SLC44A5: variants seen among roughly 807,000 people sequenced by gnomAD.
SLC44A5 encodes the protein choline transporter-like protein 5.
SLC44A5 carries 57 observed loss-of-function variants against 101.8 expected under a neutral mutation model. That is an observed-to-expected ratio of 0.56 (90% CI 0.45 to 0.70). The LOEUF is 0.70. SLC44A5 is among the 30% of genes least tolerant of loss of function. The pLI is 0.00. For missense variants in SLC44A5, 737 were observed against 853.1 expected (o/e 0.86, Z 1.70); for synonymous variants, 281 against 290.9 (o/e 0.97, Z 0.35).
intron 5 of SLC44A5, among the ~76,000 whole-genome samples, chr1:75,284,766 T>A (rs1652900561): frequency 1.3e-5 from 2 of 152,142 alleles, no homozygotes; most frequent in Non-Finnish European, 2.9e-5. Flanking sequence ...ATTGAGATGA[T>A]CATACAATTT....
chr1:75,209,725 G>A (rs1646816729), intron 23 of SLC44A5, among the ~76,000 whole-genome samples: 1 of 152,154 alleles, frequency 6.6e-6, no homozygotes, highest in Middle Eastern at 3.2e-3. Context: ...TCTCCCTATA[G>A]TTATCGTCTC....
intron 4 of SLC44A5, among the ~76,000 whole-genome samples, chr1:75,337,605 G>A (rs1045360731): frequency 6.6e-6 from 1 of 152,086 alleles, no homozygotes; most frequent in African/African-American, 2.4e-5. Flanking sequence ...GATCTATTTT[G>A]TGAAAAGGGC....
intron 4 of SLC44A5, among the ~76,000 whole-genome samples, chr1:75,324,900 T>C (rs1235070527): frequency 6.6e-6 from 1 of 152,172 alleles, no homozygotes; most frequent in East Asian, 1.9e-4. Context: ...AAAAGAAATA[T>C]AGACCCAATG....
chr1:75,658,572 G>A, the SLC44A5 span, among the ~76,000 whole-genome samples: 1 of 152,102 alleles, frequency 6.6e-6, no homozygotes, highest in African/African-American at 2.4e-5. Context: ...AACATTTCTT[G>A]AGACAAATGA....
At chr1:75,575,468 G>T (rs1416783247) in intron 1 of SLC44A5, among the ~76,000 whole-genome samples, 1 of 152,082 alleles carries the variant, frequency 6.6e-6, no homozygotes, top group Non-Finnish European at 1.5e-5. Flanking sequence ...AATAGTTAAT[G>T]GTATGTCAGC....
chr1:75,542,283 A>T (rs6659496), intron 1 of SLC44A5, among the ~76,000 whole-genome samples: 1 of 152,118 alleles, frequency 6.6e-6, no homozygotes, highest in African/African-American at 2.4e-5. Flanking sequence ...TAACCATAGT[A>T]TAGTTGCCTA....
At chr1:75,671,788 G>A in the SLC44A5 span, among the ~76,000 whole-genome samples, 1 of 152,214 alleles carries the variant, frequency 6.6e-6, no homozygotes, top group Non-Finnish European at 1.5e-5. Flanking sequence ...AATAGAAAAA[G>A]CTGATCTCGA....
At chr1:75,432,817 C>T (rs759940982) in intron 2 of SLC44A5, among the ~76,000 whole-genome samples, 45 of 152,038 alleles carry the variant, frequency 3.0e-4, no homozygotes, top group Non-Finnish European at 5.4e-4. Context: ...GTGTCATAAA[C>T]AATTATCACA....
intron 3 of SLC44A5, among the ~76,000 whole-genome samples, chr1:75,363,615 G>A (rs1659656233): frequency 6.6e-6 from 1 of 151,746 alleles, no homozygotes; most frequent in Admixed American, 6.6e-5. Context: ...ACCTTTTTGT[G>A]ATTTGTATTT....
chr1:75,492,888 A>G (rs1668496299), intron 2 of SLC44A5, among the ~76,000 whole-genome samples: 1 of 152,192 alleles, frequency 6.6e-6, no homozygotes. Flanking sequence ...TGGGCACAGG[A>G]GATTGGGCAA....
chr1:75,669,917 T>A, the SLC44A5 span, among the ~76,000 whole-genome samples: 3 of 152,124 alleles, frequency 2.0e-5, no homozygotes, highest in Non-Finnish European at 4.4e-5. Flanking sequence ...AAGCCAAATA[T>A]CTCTGTTTTG....
At chr1:75,550,001 A>T (rs1030565472) in intron 1 of SLC44A5, among the ~76,000 whole-genome samples, 1 of 152,140 alleles carries the variant, frequency 6.6e-6, no homozygotes, top group African/African-American at 2.4e-5. Context: ...TAATTAAAAT[A>T]TAATTGTAAT....
chr1:75,506,200 A>G (rs1190079903), intron 2 of SLC44A5, among the ~76,000 whole-genome samples: 2 of 151,964 alleles, frequency 1.3e-5, no homozygotes, highest in African/African-American at 2.4e-5. Context: ...CTTCTGTTCC[A>G]TTGGTCTGTA....
At chr1:75,715,506 T>C in the SLC44A5 span, among the ~76,000 whole-genome samples, 1 of 152,114 alleles carries the variant, frequency 6.6e-6, no homozygotes, top group Admixed American at 6.5e-5. Flanking sequence ...CCTACAACCA[T>C]CTGATCTTCA....
At chr1:75,654,787 C>A in the SLC44A5 span, among the ~76,000 whole-genome samples, 1 of 152,100 alleles carries the variant, frequency 6.6e-6, no homozygotes. Context: ...CAAAACTTTT[C>A]CCATCAAGGT....
At chr1:75,645,500 T>G in the SLC44A5 span, among the ~76,000 whole-genome samples, 14 of 152,024 alleles carry the variant, frequency 9.2e-5, no homozygotes, top group East Asian at 1.8e-3. Flanking sequence ...TAAATTTGTT[T>G]GAGTTCATTG....
At chr1:75,472,589 G>T (rs2101735529) in intron 2 of SLC44A5, among the ~76,000 whole-genome samples, 1 of 152,252 alleles carries the variant, frequency 6.6e-6, no homozygotes, top group Admixed American at 6.5e-5. Flanking sequence ...TCAAGACCAT[G>T]TGTTATCTTA....
chr1:75,537,003 C>A, intron 2 of SLC44A5, among the ~76,000 whole-genome samples: 2 of 5,448 alleles, frequency 3.7e-4, no homozygotes, highest in African/African-American at 3.6e-4. Flanking sequence ...GAGACTCCAT[C>A]TCAAAAAAAA....
chr1:75,216,228 T>A (rs560575372), intron 18 of SLC44A5, among the ~76,000 whole-genome samples: 19 of 152,164 alleles, frequency 1.2e-4, no homozygotes, highest in Non-Finnish European at 1.9e-4. Flanking sequence ...ATATTTACCC[T>A]TTTGTATCTT....
Sources: allele counts gnomAD v4.1 joint callset (sites outside exome capture counted in the v4.1 genomes callset), GRCh38; gene constraint gnomAD v4.1.1; transcripts MANE v1.5; gene names NCBI Gene and HGNC (gene_info 2026-07-23, HGNC 2026-07-21).